The following TPST2 variants were observed in gnomAD, a reference collection of about 807,000 sequenced individuals.
The protein encoded by TPST2 is protein-tyrosine sulfotransferase 2.
In TPST2, 16 loss-of-function variants were observed where a neutral mutation model predicts 27.8. That is an observed-to-expected ratio of 0.58 (90% confidence interval 0.39 to 0.88). The LOEUF is 0.88. TPST2 is among the 40% of genes least tolerant of loss of function. TPST2 has a pLI of 0.00. For missense variants in TPST2, 464 were observed against 543.1 expected (o/e 0.85, Z 1.45); for synonymous variants, 229 against 231.7 (o/e 0.99, Z 0.10).
At position 26,533,738 on chromosome 22, in the gene TPST2, G is replaced by A. The variant is rs771258454; in HGVS notation, c.1042-993C>T. Among the ~76,000 whole-genome samples the A allele has an allele frequency of 2.2e-4, 33 of 151,854 alleles. 1 individual carries two copies. The highest frequency in any genetic ancestry group is 4.1e-4 in the Non-Finnish European group (28 of 67,974). ...AGCCCAAGCTGGAGTGCAGTGGTGC[G>A]ATCACGGCTCACTGCAGCCTCCACT... is the stretch of plus-strand genomic sequence containing the variant. On this transcript the variant is annotated intron_variant, in intron 4 of 6. Transcript: ENST00000338754.
At chr22:26,579,595 C>G (rs918037893) in intron 1 of TPST2, among the ~76,000 whole-genome samples, 4 of 152,222 alleles carry the variant, frequency 2.6e-5, no homozygotes, top group African/African-American at 7.2e-5. Context: ...GCTGAGCCCC[C>G]GGGCTCTGCA....
intron 1 of TPST2, among the ~76,000 whole-genome samples, chr22:26,579,088 G>A (rs922933228): frequency 7.2e-5 from 11 of 152,134 alleles, no homozygotes; most frequent in East Asian, 1.9e-4. Flanking sequence ...CTGAGCTCAC[G>A]CAAGTGATCC....
intron 1 of TPST2, among the ~76,000 whole-genome samples, chr22:26,580,186 A>G (rs899295731): frequency 6.6e-6 from 1 of 152,104 alleles, no homozygotes; most frequent in African/African-American, 2.4e-5. Flanking sequence ...CAAGGCTGCA[A>G]TGCTGCCCCT....
rs1927512766 is a variant in TPST2 at position 26,569,437 on chromosome 22, A to G, written c.-161+20616T>C. 7.2e-5 allele frequency among the ~76,000 whole-genome samples: 11 copies of G among 152,340 alleles called. No individual in the cohort carries two copies. The South Asian group carries it at 1.7e-3, about 23-fold the overall frequency. ...GTCTTTTGAAAATTCATTGAGCTGT[A>G]TGCGTATGAAATATGCATTTTTCTG... is the stretch of plus-strand genomic sequence containing the variant. On this transcript the variant is annotated intron_variant, in intron 1 of 6. Transcript: ENST00000338754.
intron 1 of TPST2, among the ~76,000 whole-genome samples, chr22:26,551,582 T>A (rs1009461465): frequency 1.3e-5 from 2 of 152,026 alleles, no homozygotes; most frequent in Admixed American, 6.6e-5. Context: ...CCTAAAACCA[T>A]CAAAGCAGGG....
In TPST2 at chr22:26,577,722, A is replaced by G. The variant is rs576135607; in HGVS notation, c.-161+12331T>C. On this transcript the variant is annotated intron_variant, in intron 1 of 6. Transcript: ENST00000338754. The stretch of plus-strand genomic sequence containing the variant: ...CACCCAGGCTGGAATGCAGTGGCAC[A>G]AGCTCGGCTCACTGCAACCTCCATC... Among the ~76,000 whole-genome samples, 32 of 140,720 alleles carry G rather than the reference A, an allele frequency of 2.3e-4. 2 individuals carry two copies. Among genetic ancestry groups the G allele is most frequent in the Admixed American group, 2.1e-3 (29 of 13,772 alleles). The allele number at this position is 140,720 out of a possible 152,430, so 92.3% of individuals were successfully genotyped here. A position where few individuals can be genotyped will look rare whatever the true frequency, so the allele number is the denominator to read the frequency against.
At chr22:26,573,641 A>C (rs568190526) in intron 1 of TPST2, among the ~76,000 whole-genome samples, 16 of 152,348 alleles carry the variant, frequency 1.1e-4, no homozygotes, top group African/African-American at 3.6e-4. Context: ...GCAAGCAATA[A>C]ATAAATACTT....
chr22:26,540,888 G>C lies in TPST2; in HGVS notation c.743C>G (p.Ser248Ter), dbSNP rs755692897. The C allele has an allele frequency of 6.2e-7, 1 of 1,614,158 alleles. No individual in the cohort carries two copies. The highest frequency in any genetic ancestry group is 8.5e-7 in the Non-Finnish European group (1 of 1,180,022). The change falls in exon 3 of 7, where the codon TCA (serine) becomes TGA (stop). Residue 248 changes from serine to a stop codon, truncating the protein, a stop_gained. Transcript: ENST00000338754. LOFTEE classifies it high-confidence loss of function. ...YEQLVLHPRR[S>*]LKLILDFLGI... ...GAGGAAGTCGAGGATGAGCTTGAGTGAGCGCCTGGGGTGCAGCACCAGCTG... is the reference window on the plus strand; with the variant it reads ...GAGGAAGTCGAGGATGAGCTTGAGTCAGCGCCTGGGGTGCAGCACCAGCTG...
chr22:26,583,741 G>A (rs550042861), intron 1 of TPST2, among the ~76,000 whole-genome samples: 2 of 152,182 alleles, frequency 1.3e-5, no homozygotes, highest in Admixed American at 1.3e-4. Context: ...TTGGGAGGCT[G>A]AGGCAGAAGA....
chr22:26,540,502 G>T (rs957228357), intron 3 of TPST2, among the ~76,000 whole-genome samples: 2 of 152,230 alleles, frequency 1.3e-5, no homozygotes, highest in African/African-American at 4.8e-5. Context: ...AGGAAGATGA[G>T]GTGGGAGGAT....
rs1394026729 is a variant in TPST2, at chr22:26,524,733, G to A, written c.*1542C>T. The A allele has an allele frequency of 1.3e-5, 2 of 152,198 alleles. No homozygotes were observed. Among genetic ancestry groups the A allele is most frequent in the African/African-American group, 4.8e-5 (2 of 41,440 alleles). 9.4% of individuals were successfully genotyped at this position (152,198 alleles called of 1,614,324 possible). On this transcript the variant is annotated 3_prime_UTR_variant, in exon 7 of 7. Coordinates refer to ENST00000338754, the MANE Select transcript of TPST2 (RefSeq NM_003595.5). The stretch of plus-strand genomic sequence containing the variant: ...CCCTTAAAGATACAAACTTATTGTA[G>A]GCCCAGTTGGTCCCTCAGCATTTGG...
chr22:26,567,701 G>A (rs1420495736), intron 1 of TPST2, among the ~76,000 whole-genome samples: 1 of 152,118 alleles, frequency 6.6e-6, no homozygotes, highest in Non-Finnish European at 1.5e-5. Flanking sequence ...CATATAAAGA[G>A]TTCTGTGAAA....
Position 26,541,310 on chromosome 22 carries a change from C to G in TPST2, c.321G>C (p.Leu107=). 1.3e-6 allele frequency: 2 copies of G among 1,543,218 alleles called. No homozygotes were observed. The highest frequency in any genetic ancestry group is 1.7e-6 in the Non-Finnish European group (2 of 1,142,962). Residue 107 remains leucine, a synonymous_variant, in exon 3 of 7, where the codon CTG becomes CTC. Transcript: ENST00000338754. This position sits in a 1 kb window ranked among gnomAD's most constrained non-coding sequence, Gnocchi z 5.9. ...GEETRIIPRV[L]AMRQAWSKSG... Reference sequence around the variant, plus strand: ...ACTTGGACCAGGCCTGGCGCATGGCCAGCACGCGCGGGATGATGCGGGTCT... The same window carrying G: ...ACTTGGACCAGGCCTGGCGCATGGCGAGCACGCGCGGGATGATGCGGGTCT...
At chr22:26,532,391 C>T (rs895669409) in intron 5 of TPST2, among the ~76,000 whole-genome samples, 5 of 152,226 alleles carry the variant, frequency 3.3e-5, no homozygotes, top group Non-Finnish European at 5.9e-5. Flanking sequence ...AGCGATTCTC[C>T]TGCCTCAGCC....
At chr22:26,534,454 A>G (rs922159013) in intron 4 of TPST2, among the ~76,000 whole-genome samples, 4 of 150,924 alleles carry the variant, frequency 2.7e-5, no homozygotes, top group Non-Finnish European at 5.9e-5. Context: ...AAACAAACAC[A>G]AAAAGCTCCA....
chr22:26,553,909 G>T (rs1394217669), intron 1 of TPST2, among the ~76,000 whole-genome samples: 1 of 152,122 alleles, frequency 6.6e-6, no homozygotes, highest in Non-Finnish European at 1.5e-5. Flanking sequence ...CTCTGTTCAT[G>T]TTCAGTACAG....
At chr22:26,589,598 T>C (rs753506170) in intron 1 of TPST2, among the ~76,000 whole-genome samples, 5 of 152,114 alleles carry the variant, frequency 3.3e-5, no homozygotes, top group Non-Finnish European at 7.4e-5. Flanking sequence ...CGCCTCCACT[T>C]CTGACGCTCC....
At chr22:26,531,849 T>TG (rs561335034) in intron 5 of TPST2, among the ~76,000 whole-genome samples, 5 of 152,216 alleles carry the variant, frequency 3.3e-5, no homozygotes, top group Non-Finnish European at 7.3e-5. Context: ...ACCCCCACTC[T>TG]GGTTTGATAA....
chr22:26,567,020 G>T (rs939442976), intron 1 of TPST2, among the ~76,000 whole-genome samples: 6 of 152,166 alleles, frequency 3.9e-5, no homozygotes, highest in Non-Finnish European at 7.3e-5. Context: ...CCTGAGTCCT[G>T]ACAACCAAAA....
Sources: allele counts gnomAD v4.1 joint callset (sites outside exome capture counted in the v4.1 genomes callset), GRCh38; gene constraint gnomAD v4.1.1; non-coding constraint Gnocchi (gnomAD v3.1); transcripts MANE v1.5; gene names NCBI Gene and HGNC (gene_info 2026-07-23, HGNC 2026-07-21).